Variants in BTD observed in about 807,000 individuals in gnomAD.
BTD encodes the protein biocytinase.
In BTD, 13 loss-of-function variants were observed where a neutral mutation model predicts 17.7. The observed-to-expected ratio is 0.74, with a 90% CI of 0.48 to 1.17. The LOEUF is 1.17. Among genes scored for constraint, BTD ranks in the 50% most tolerant of loss-of-function variants. BTD has a pLI of 0.00. For missense variants in BTD, 674 were observed against 650.4 expected, an observed-to-expected ratio of 1.04 and a Z score of -0.39; for synonymous variants, 240 against 245.2, an observed-to-expected ratio of 0.98 and a Z score of 0.20.
At chr3:15,634,212 T>C (rs1361813697) in intron 1 of BTD, among the ~76,000 whole-genome samples, 1 of 152,250 alleles carries the variant, frequency 6.6e-6, no homozygotes, top group African/African-American at 2.4e-5. Context: ...CTGGGGAGTT[T>C]GGTTTTAAAA....
intron 2 of BTD, among the ~76,000 whole-genome samples, chr3:15,636,360 G>C (rs741748): frequency 6.6e-6 from 1 of 152,162 alleles, no homozygotes; most frequent in Non-Finnish European, 1.5e-5. Flanking sequence ...GGGAAGGTCA[G>C]TGCCAGCCTT....
At position 15,698,082 on chromosome 3, in the gene BTD, C is replaced by T. The variant is rs561379991; in HGVS notation, c.400-11978C>T. Among the ~76,000 whole-genome samples, 14 of 151,716 alleles carry T rather than the reference C, an allele frequency of 9.2e-5. No individual in the cohort carries two copies. In the East Asian group the frequency reaches 2.7e-3, roughly 29 times the overall value. On this transcript the variant is annotated intron_variant, in intron 3 of 3. Transcript: ENST00000672141. Reference sequence around the variant, plus strand: ...TTCTTTGAGCTCGGTGGTGATATTCCCTTTATGTGTCTATTTGAATCTTCT... The same window carrying T: ...TTCTTTGAGCTCGGTGGTGATATTCTCTTTATGTGTCTATTTGAATCTTCT...
At chr3:15,643,124 T>TA (rs2065580821) in intron 3 of BTD, among the ~76,000 whole-genome samples, 1 of 152,166 alleles carries the variant, frequency 6.6e-6, no homozygotes, top group Non-Finnish European at 1.5e-5. Flanking sequence ...ATTTCCCGCT[T>TA]AAAAAACTTT....
Position 15,648,271 on chromosome 3 carries a change from AAATAGGCATAAAAGTATGAAATGT to A in BTD, c.*2784_*2807del, listed in dbSNP as rs2065739491. ...CAACAAAGTGGATTTATATAGGACAAAATAGGCATAAAAGTATGAAATGTTTTGTGCACAAAGGCCTAGATTTGA... is the reference window on the plus strand; with the variant it reads ...CAACAAAGTGGATTTATATAGGACAATTTGTGCACAAAGGCCTAGATTTGA... On this transcript the variant is annotated 3_prime_UTR_variant, in exon 4 of 4. Transcript: ENST00000643237. Among the ~76,000 whole-genome samples, 1 of 70,044 alleles carries A rather than the reference AAATAGGCATAAAAGTATGAAATGT, an allele frequency of 1.4e-5. No individual in the cohort carries two copies. Among genetic ancestry groups the A allele is most frequent in the African/African-American group, 4.9e-5 (1 of 20,564 alleles). 46.0% of individuals were successfully genotyped at this position (70,044 alleles called of 152,430 possible).
intron 1 of BTD, among the ~76,000 whole-genome samples, chr3:15,611,358 C>T (rs1033424812): frequency 2.6e-5 from 4 of 152,074 alleles, no homozygotes; most frequent in Admixed American, 6.5e-5. Flanking sequence ...AGAAGTTAGG[C>T]CCAGAAAGAG....
chr3:15,696,259 C>A, intron 3 of BTD: 2 of 1,475,646 alleles, frequency 1.4e-6, no homozygotes, highest in Non-Finnish European at 1.9e-6. Flanking sequence ...TATACAACAA[C>A]AACAACATAC....
intron 1 of BTD, among the ~76,000 whole-genome samples, chr3:15,622,376 T>C (rs573374405): frequency 2.0e-5 from 3 of 152,360 alleles, no homozygotes; most frequent in Admixed American, 1.3e-4. Context: ...ATTTATGTTA[T>C]TGATTTTTAG....
chr3:15,674,610 C>T (rs1306638186), intron 3 of BTD, among the ~76,000 whole-genome samples: 1 of 152,096 alleles, frequency 6.6e-6, no homozygotes, highest in Non-Finnish European at 1.5e-5. Flanking sequence ...TGGGAATCCT[C>T]AGCATTATAG....
In BTD at chr3:15,678,102, C is replaced by A. The variant is rs1355311030; in HGVS notation, c.400-31958C>A. 7.8e-6 allele frequency: 9 copies of A among 1,150,754 alleles called. No homozygotes were observed. The Admixed American group carries it at 8.4e-5, about 11-fold the overall frequency. The allele number at this position is 1,150,754 out of a possible 1,614,324, so 71.3% of individuals were successfully genotyped here. A position where few individuals can be genotyped will look rare whatever the true frequency, so the allele number is the denominator to read the frequency against. On this transcript the variant is annotated intron_variant, in intron 3 of 3. Transcript: ENST00000672141. ...TGCAAACAGGTAAAAGGTTTTAAGT[C>A]TTAGGAGTGGTAAGATAACTAGTTG...
chr3:15,619,355 C>T (rs1415895704), intron 1 of BTD, among the ~76,000 whole-genome samples: 1 of 152,218 alleles, frequency 6.6e-6, no homozygotes, highest in Admixed American at 6.5e-5. Context: ...GGGTATCACT[C>T]TGTCACACCA....
chr3:15,656,995 A>G (rs542918134), downstream of BTD, among the ~76,000 whole-genome samples: 5 of 152,236 alleles, frequency 3.3e-5, no homozygotes, highest in East Asian at 9.7e-4. Flanking sequence ...CTTCCAGGGT[A>G]GTTTCTCCAC....
chr3:15,695,428 G>C (rs2069394816), intron 3 of BTD, among the ~76,000 whole-genome samples: 1 of 152,034 alleles, frequency 6.6e-6, no homozygotes, highest in Non-Finnish European at 1.5e-5. Flanking sequence ...CCATAACGTA[G>C]GAAAATAGTT....
At chr3:15,671,578 G>GTTTTTTTTTTTTTTTTTTTTT (rs869032190) in intron 3 of BTD, among the ~76,000 whole-genome samples, 1 of 141,326 alleles carries the variant, frequency 7.1e-6, no homozygotes, top group African/African-American at 2.7e-5. Flanking sequence ...AAACACTATA[G>GTTTTTTTTTTTTTTTTTTTTT]TTTTTTTTTT....
At chr3:15,707,506 A>T (rs1366943214) in intron 3 of BTD, among the ~76,000 whole-genome samples, 3 of 152,208 alleles carry the variant, frequency 2.0e-5, no homozygotes, top group African/African-American at 7.2e-5. Flanking sequence ...TGCAAATCTG[A>T]ACTGTCTACC....
intron 1 of BTD, among the ~76,000 whole-genome samples, chr3:15,616,441 C>T (rs1246320969): frequency 6.6e-6 from 1 of 151,912 alleles, no homozygotes; most frequent in Admixed American, 6.6e-5. Context: ...AATAGAGAAA[C>T]CCTGTCTCTA....
rs2064280271 is a variant in BTD at position 15,602,158 on chromosome 3, C to A, written c.-17+264C>A. On this transcript the variant is annotated intron_variant, in intron 1 of 3. Coordinates refer to ENST00000643237, the MANE Select transcript of BTD (RefSeq NM_001370658.1). ...ATAGTCCTTAAATTATTGTAGCGCA[C>A]GTTACTTAAATCCAGAAGCAGATGT... 4 of 1,407,784 alleles carry A rather than the reference C, an allele frequency of 2.8e-6. No homozygotes were observed. In the South Asian group the frequency reaches 4.9e-5, roughly 17 times the overall value. The allele number at this position is 1,407,784 out of a possible 1,614,324, so 87.2% of individuals were successfully genotyped here.
intron 3 of BTD, chr3:15,678,158 A>G (rs1261108043): frequency 3.5e-5 from 53 of 1,521,002 alleles, no homozygotes; most frequent in South Asian, 3.1e-4. Flanking sequence ...TAAGTTATAC[A>G]TAAGTGATAC....
intron 3 of BTD, chr3:15,669,980 C>T: frequency 2.9e-6 from 1 of 339,420 alleles, no homozygotes; most frequent in Non-Finnish European, 5.5e-6. Context: ...GGTTAGAGTG[C>T]ACAGTGTCCC....
At chr3:15,613,634 T>C (rs74447265) in intron 1 of BTD, among the ~76,000 whole-genome samples, 4,818 of 152,186 alleles carry the variant, frequency 0.032, 257 homozygotes, top group African/African-American at 0.11. Context: ...AGCAGTTTTT[T>C]TTCACTCGTG....
Sources: allele counts gnomAD v4.1 joint callset (sites outside exome capture counted in the v4.1 genomes callset), GRCh38; gene constraint gnomAD v4.1.1; transcripts MANE v1.5; gene names NCBI Gene and HGNC (gene_info 2026-07-23, HGNC 2026-07-21).